BABAM2: variants seen among roughly 807,000 people sequenced by gnomAD.
BABAM2 encodes BRISC and BRCA1-A complex member 2.
BABAM2 carries 31 observed loss-of-function variants against 54.7 expected under a neutral mutation model. The observed-to-expected ratio is 0.57, with a 90% confidence interval of 0.43 to 0.77. BABAM2 has a LOEUF of 0.77. Among genes scored for constraint, BABAM2 ranks in the 30% least tolerant of loss-of-function variants. BABAM2 has a pLI of 0.00. For synonymous variants in BABAM2, 167 were observed against 162.9 expected (o/e 1.03, Z -0.19); for missense variants, 364 against 455.8 (o/e 0.80, Z 1.83).
At chr2:28,199,654 AC>A (rs988032597) in intron 7 of BABAM2, among the ~76,000 whole-genome samples, 4 of 152,226 alleles carry the variant, frequency 2.6e-5, no homozygotes, top group Non-Finnish European at 4.4e-5. Context: ...AGTCGTGTTG[AC>A]CCTTTAGTTG....
intron 7 of BABAM2, among the ~76,000 whole-genome samples, chr2:28,187,448 A>G (rs2147906721): frequency 6.6e-6 from 1 of 152,250 alleles, no homozygotes; most frequent in African/African-American, 2.4e-5. Flanking sequence ...CTTTCCACAT[A>G]CAGTTCCCCC....
chr2:28,328,851 C>G (rs1452563246), intron 11 of BABAM2, among the ~76,000 whole-genome samples: 1 of 152,210 alleles, frequency 6.6e-6, no homozygotes, highest in Non-Finnish European at 1.5e-5. Context: ...TAGGTGCTCT[C>G]TCCCCGCTGC....
chr2:28,020,935 A>G (rs1011709379), intron 4 of BABAM2, among the ~76,000 whole-genome samples: 1 of 134,132 alleles, frequency 7.5e-6, no homozygotes, highest in Middle Eastern at 3.6e-3. Context: ...AACATTTCTA[A>G]GACTCTCTGT....
In BABAM2 at chr2:28,025,331, T is replaced by C; in HGVS notation, c.406T>C (p.Ser136Pro). ...CCAATGTAGCCGCCTCCGGGAGAGC[T>C]CCCGCCTCATGTTTGAATACCAGAC... Reference protein sequence around the residue: ...QFQCSRLRESSRLMFEYQTLL... With the variant: ...QFQCSRLRESPRLMFEYQTLL... The change falls in exon 5 of 12, where the codon TCC (serine) becomes CCC (proline). Residue 136 changes from serine to proline, a missense_variant. Physicochemically the swap from Ser to Pro is moderately conservative, Grantham distance 74. Transcript: ENST00000379624. The C allele has an allele frequency of 6.2e-7, 1 of 1,612,984 alleles. No homozygotes were observed. The highest frequency in any genetic ancestry group is 1.1e-5 in the South Asian group (1 of 90,902).
At chr2:28,139,600 T>A (rs1214999298) in intron 7 of BABAM2, among the ~76,000 whole-genome samples, 2 of 151,996 alleles carry the variant, frequency 1.3e-5, no homozygotes, top group East Asian at 1.9e-4. Flanking sequence ...ATAAAAAAAA[T>A]TTATTCAACA....
At chr2:28,027,284 T>C (rs1217501907) in intron 5 of BABAM2, among the ~76,000 whole-genome samples, 3 of 152,006 alleles carry the variant, frequency 2.0e-5, no homozygotes, top group Admixed American at 1.3e-4. Context: ...TTCTCAATGA[T>C]GCCATGTTAA....
At chr2:28,050,478 C>T (rs1196032576) in intron 6 of BABAM2, among the ~76,000 whole-genome samples, 1 of 152,088 alleles carries the variant, frequency 6.6e-6, no homozygotes, top group East Asian at 1.9e-4. Context: ...TATCCTGAGC[C>T]GCTTATCACA....
At position 28,235,151 on chromosome 2, in the gene BABAM2, A is replaced by G. The variant is rs946534569; in HGVS notation, c.681-2051A>G. Among the ~76,000 whole-genome samples, 19 of 152,298 alleles carry G rather than the reference A, an allele frequency of 1.2e-4. No individual in the cohort carries two copies. In the East Asian group the frequency reaches 3.1e-3, roughly 25 times the overall value. ...GAGATTTTGTTCATTTAGACTTTTT[A>G]TTTGCATGAGCAAACACAAAATTTA... is the stretch of plus-strand genomic sequence containing the variant. On this transcript the variant is annotated intron_variant, in intron 7 of 11. Coordinates refer to ENST00000379624, the MANE Select transcript of BABAM2 (RefSeq NM_199191.3).
At chr2:28,187,662 ATTT>A (rs35839748) in intron 7 of BABAM2, among the ~76,000 whole-genome samples, 43 of 99,112 alleles carry the variant, frequency 4.3e-4, no homozygotes, top group African/African-American at 5.6e-4. Context: ...GAACTTTGGA[ATTT>A]TTTTTTTTTT....
chr2:27,983,631 T>C (rs541513541), intron 3 of BABAM2, among the ~76,000 whole-genome samples: 1 of 152,258 alleles, frequency 6.6e-6, no homozygotes, highest in East Asian at 1.9e-4. Context: ...TTTTAATTTC[T>C]TCAAACAATG....
chr2:28,260,303 T>TC (rs1315801526), intron 10 of BABAM2, among the ~76,000 whole-genome samples: 1 of 145,630 alleles, frequency 6.9e-6, no homozygotes. Context: ...TCTTTTCTTT[T>TC]TTTTTTTTTT....
chr2:27,969,738 G>A (rs1671072661), intron 3 of BABAM2, among the ~76,000 whole-genome samples: 1 of 152,156 alleles, frequency 6.6e-6, no homozygotes, highest in Admixed American at 6.6e-5. Flanking sequence ...AAATTCTGTG[G>A]ACATTTTTGG....
chr2:28,151,904 A>C (rs114121716), intron 7 of BABAM2, among the ~76,000 whole-genome samples: 2,029 of 152,110 alleles, frequency 0.013, 42 homozygotes, highest in African/African-American at 0.046. Flanking sequence ...ATTTTCCCCC[A>C]CTGTTCGTGG....
chr2:28,036,875 G>A (rs1189077312), intron 5 of BABAM2, among the ~76,000 whole-genome samples: 1 of 152,142 alleles, frequency 6.6e-6, no homozygotes, highest in East Asian at 1.9e-4. Flanking sequence ...GTACTATTTT[G>A]TTTAATTGCC....
At chr2:27,961,641 T>C (rs1176443123) in intron 3 of BABAM2, among the ~76,000 whole-genome samples, 1 of 152,144 alleles carries the variant, frequency 6.6e-6, no homozygotes, top group Non-Finnish European at 1.5e-5. Flanking sequence ...TGATTGTATC[T>C]TCTATGCCTT....
chr2:28,106,496 G>A (rs1278771979), intron 6 of BABAM2, among the ~76,000 whole-genome samples: 1 of 152,186 alleles, frequency 6.6e-6, no homozygotes, highest in African/African-American at 2.4e-5. Context: ...CAACATTTTT[G>A]AAGATTATAG....
At chr2:27,915,681 TTTTTTCTATC>T (rs1158140905) in intron 2 of BABAM2, among the ~76,000 whole-genome samples, 1 of 152,234 alleles carries the variant, frequency 6.6e-6, no homozygotes, top group Non-Finnish European at 1.5e-5. Flanking sequence ...AAAAAACGTT[TTTTTTCTATC>T]TTTAGAAAGC....
At chr2:27,890,240 A>G (rs1425685154), upstream of BABAM2, 1 of 1,611,902 alleles carries the variant, frequency 6.2e-7, no homozygotes, top group Non-Finnish European at 8.5e-7. The surrounding 1 kb of genome is among the most constrained non-coding windows in gnomAD (Gnocchi z 4.8). Flanking sequence ...AGACTGAGTA[A>G]CTGGCCCCGG....
chr2:28,138,448 T>A (rs1670735023), intron 7 of BABAM2, among the ~76,000 whole-genome samples: 1 of 152,118 alleles, frequency 6.6e-6, no homozygotes, highest in African/African-American at 2.4e-5. Flanking sequence ...CCTAGAAAAA[T>A]ATATATGCAT....
Sources: gnomAD v4.1 joint callset for allele counts (sites outside exome capture counted in the v4.1 genomes callset) on GRCh38, gnomAD v4.1.1 for gene constraint, Gnocchi (gnomAD v3.1) non-coding constraint, MANE v1.5 for transcripts, NCBI Gene and HGNC (gene_info 2026-07-23, HGNC 2026-07-21) for gene names.